Variants in CDKAL1 observed in about 807,000 individuals in gnomAD.
CDKAL1 encodes the protein threonylcarbamoyladenosine tRNA methylthiotransferase.
In CDKAL1, 32 loss-of-function variants were observed where a neutral mutation model predicts 68.2. The observed-to-expected ratio is 0.47, with a 90% CI of 0.35 to 0.63. The LOEUF (loss-of-function observed/expected upper bound fraction) is 0.63, where lower values mean the gene tolerates loss of function less well. CDKAL1 is among the 30% of genes least tolerant of loss of function. The pLI is 0.00. For missense variants in CDKAL1, 606 were observed against 696.7 expected (o/e 0.87, Z 1.47); for synonymous variants, 234 against 244.3 (o/e 0.96, Z 0.39).
At chr6:20,555,028 T>G (rs560043736) in intron 4 of CDKAL1, among the ~76,000 whole-genome samples, 3 of 152,372 alleles carry the variant, frequency 2.0e-5, no homozygotes, top group African/African-American at 7.2e-5. Flanking sequence ...TGCTGAGCTG[T>G]TAACATTCTT....
intron 8 of CDKAL1, among the ~76,000 whole-genome samples, chr6:20,822,930 CAG>C (rs1449022138): frequency 6.6e-6 from 1 of 152,140 alleles, no homozygotes; most frequent in Non-Finnish European, 1.5e-5. Flanking sequence ...CAAATACACT[CAG>C]TGTGTTTAAA....
chr6:20,801,307 G>A (rs1335166911), intron 8 of CDKAL1, among the ~76,000 whole-genome samples: 2 of 152,184 alleles, frequency 1.3e-5, no homozygotes, highest in Non-Finnish European at 2.9e-5. Flanking sequence ...AGGCTCTGCA[G>A]ATGAAACCAT....
Position 20,546,347 on chromosome 6 carries a change from G to T in CDKAL1, c.-4G>T, listed in dbSNP as rs1446227362. On this transcript the variant is annotated splice_region_variant and 5_prime_UTR_variant, in exon 3 of 16. Transcript: ENST00000274695. ...TTATTTATAACTTTTATGTGGTAGA[G>T]AATATGCCTTCTGCATCCTGTGATA... is the stretch of plus-strand genomic sequence containing the variant. The T allele has an allele frequency of 1.2e-6, 2 of 1,604,556 alleles. No individual in the cohort carries two copies. Among genetic ancestry groups the T allele is most frequent in the Admixed American group, 1.7e-5 (1 of 58,938 alleles).
chr6:20,665,042 T>C (rs1769463540), intron 5 of CDKAL1, among the ~76,000 whole-genome samples: 1 of 152,024 alleles, frequency 6.6e-6, no homozygotes, highest in South Asian at 2.1e-4. Context: ...CTCTGGGTCT[T>C]GGGCAGAAGT....
At chr6:20,717,594 G>T (rs150815140) in intron 5 of CDKAL1, among the ~76,000 whole-genome samples, 2 of 152,182 alleles carry the variant, frequency 1.3e-5, no homozygotes, top group African/African-American at 4.8e-5. Flanking sequence ...AATTTGCTGA[G>T]ACCCTTAATG....
intron 9 of CDKAL1, among the ~76,000 whole-genome samples, chr6:20,896,099 TTTTC>T (rs1215899251): frequency 1.5e-4 from 13 of 83,988 alleles, no homozygotes; most frequent in Non-Finnish European, 1.8e-4. Context: ...TTTTCTTTTC[TTTTC>T]TTTTTTTTTT....
intron 5 of CDKAL1, among the ~76,000 whole-genome samples, chr6:20,656,566 T>C (rs1474893627): frequency 2.0e-5 from 3 of 152,138 alleles, no homozygotes; most frequent in African/African-American, 7.2e-5. Flanking sequence ...CAAAGATACT[T>C]TACTGCTACT....
At chr6:20,605,982 G>C (rs1257920565) in intron 4 of CDKAL1, among the ~76,000 whole-genome samples, 1 of 152,158 alleles carries the variant, frequency 6.6e-6, no homozygotes, top group East Asian at 1.9e-4. Context: ...TCTTAGTGCA[G>C]AGTCTTCTGG....
At chr6:21,028,839 G>T (rs1284938018) in intron 11 of CDKAL1, among the ~76,000 whole-genome samples, 2 of 151,994 alleles carry the variant, frequency 1.3e-5, no homozygotes, top group African/African-American at 2.4e-5. Flanking sequence ...ATGTTCAATT[G>T]GTACTTCAAA....
At chr6:20,986,323 T>C (rs1343974741) in intron 10 of CDKAL1, among the ~76,000 whole-genome samples, 1 of 152,224 alleles carries the variant, frequency 6.6e-6, no homozygotes, top group Non-Finnish European at 1.5e-5. Context: ...TTTTATAATT[T>C]AGTTGTTTCA....
At chr6:20,561,360 T>A (rs1182199860) in intron 4 of CDKAL1, among the ~76,000 whole-genome samples, 4 of 148,464 alleles carry the variant, frequency 2.7e-5, no homozygotes, top group African/African-American at 1.0e-4. Context: ...GAGAATCGCT[T>A]GAACCCAGGA....
intron 7 of CDKAL1, among the ~76,000 whole-genome samples, chr6:20,769,257 CTTTTTT>C (rs371966986): frequency 8.7e-6 from 1 of 115,006 alleles, no homozygotes; most frequent in Non-Finnish European, 1.7e-5. Flanking sequence ...TTGTGATCAT[CTTTTTT>C]TTTTTTTTTT....
chr6:20,763,858 T>C (rs1232514490), intron 7 of CDKAL1, among the ~76,000 whole-genome samples: 1 of 152,226 alleles, frequency 6.6e-6, no homozygotes, highest in East Asian at 1.9e-4. Context: ...ATCATGTTAA[T>C]AGCAACAAGA....
In CDKAL1 at chr6:21,120,570, C is replaced by T. The variant is rs143510647; in HGVS notation, c.1299+12107C>T. 1.0e-3 allele frequency among the ~76,000 whole-genome samples: 154 copies of T among 152,336 alleles called. 2 individuals are homozygous for T. The highest frequency in any genetic ancestry group is 3.5e-3 in the African/African-American group (144 of 41,576). On this transcript the variant is annotated intron_variant, in intron 13 of 15. Transcript: ENST00000274695. ...AGACCCCTGTTTTCTTCTCCAGAGGCAACCACTGTTGCTGGTTTTGTATAT... is the reference window on the plus strand; with the variant it reads ...AGACCCCTGTTTTCTTCTCCAGAGGTAACCACTGTTGCTGGTTTTGTATAT...
chr6:20,917,508 A>G (rs1332471258), intron 9 of CDKAL1, among the ~76,000 whole-genome samples: 3 of 152,188 alleles, frequency 2.0e-5, no homozygotes, highest in Non-Finnish European at 2.9e-5. Context: ...TATTTATATC[A>G]CACATTTTTC....
At chr6:20,672,291 TCTCTCTCC>T (rs1164400381) in intron 5 of CDKAL1, among the ~76,000 whole-genome samples, 2 of 143,408 alleles carry the variant, frequency 1.4e-5, no homozygotes, top group African/African-American at 2.9e-5. Context: ...TCTCTCTCTC[TCTCTCTCC>T]CTCTCCCTCT....
At chr6:20,958,315 C>G (rs182365168) in intron 10 of CDKAL1, among the ~76,000 whole-genome samples, 7 of 152,346 alleles carry the variant, frequency 4.6e-5, no homozygotes, top group Admixed American at 4.6e-4. Context: ...GACCTTCACA[C>G]CTTGCTGTTT....
At chr6:20,611,332 T>A (rs187688917) in intron 4 of CDKAL1, among the ~76,000 whole-genome samples, 2 of 152,296 alleles carry the variant, frequency 1.3e-5, no homozygotes, top group South Asian at 4.1e-4. Flanking sequence ...AATCCTGTTA[T>A]ATGTGTCAGC....
intron 15 of CDKAL1, among the ~76,000 whole-genome samples, chr6:21,227,084 T>C (rs1156360538): frequency 6.6e-6 from 1 of 152,270 alleles, no homozygotes; most frequent in Non-Finnish European, 1.5e-5. Flanking sequence ...TGTATTGAAT[T>C]TCAGGAATTG....
Sources: gnomAD v4.1 joint callset for allele counts (sites outside exome capture counted in the v4.1 genomes callset) on GRCh38, gnomAD v4.1.1 for gene constraint, MANE v1.5 for transcripts, NCBI Gene and HGNC (gene_info 2026-07-23, HGNC 2026-07-21) for gene names.